Variants in LRRC7 observed in about 807,000 individuals in gnomAD.
LRRC7 encodes the protein leucine-rich repeat-containing protein 7.
In LRRC7, 23 loss-of-function variants were observed where a neutral mutation model predicts 175.7. That is an observed-to-expected ratio of 0.13 (90% CI 0.09 to 0.19). The LOEUF (loss-of-function observed/expected upper bound fraction) is 0.19, where lower values mean the gene tolerates loss of function less well. Among genes scored for constraint, LRRC7 ranks in the 10% least tolerant of loss-of-function variants. The probability of loss-of-function intolerance (pLI) is 1.00; values close to 1 mark genes in which losing one functional copy is unlikely to be tolerated. For synonymous variants in LRRC7, 685 were observed against 680.9 expected, an observed-to-expected ratio of 1.01 and a Z score of -0.09; for missense variants, 1,354 against 1,904.7, an observed-to-expected ratio of 0.71 and a Z score of 5.38.
At position 69,568,056 on chromosome 1, in the gene LRRC7, C is replaced by G. The variant is rs945342691; in HGVS notation, c.-584C>G. The stretch of plus-strand genomic sequence containing the variant: ...CCGGCGGGACCTGCAGCCGCCCACT[C>G]GGGCCACCGCCACCGCCTCCTGCAG... On this transcript the variant is annotated 5_prime_UTR_variant, in exon 1 of 27. Transcript: ENST00000651989. Among the ~76,000 whole-genome samples the G allele has an allele frequency of 4.6e-5, 7 of 152,150 alleles. No individual in the cohort carries two copies. The highest frequency in any genetic ancestry group is 8.8e-5 in the Non-Finnish European group (6 of 68,028).
chr1:69,579,585 A>G (rs1300229528), intron 1 of LRRC7, among the ~76,000 whole-genome samples: 1 of 152,166 alleles, frequency 6.6e-6, no homozygotes, highest in African/African-American at 2.4e-5. Flanking sequence ...AGCCTGGTGC[A>G]GAAAAAGATG....
intron 8 of LRRC7, among the ~76,000 whole-genome samples, chr1:69,972,022 A>G (rs1050713928): frequency 6.6e-6 from 1 of 152,202 alleles, no homozygotes; most frequent in Non-Finnish European, 1.5e-5. Flanking sequence ...TAAAGTGGAG[A>G]AAGGACACCT....
rs1389469614 is a variant in LRRC7, at chr1:70,132,261, A to G, written c.*10374A>G. The G allele has an allele frequency of 6.6e-6, 1 of 152,224 alleles. No individual in the cohort carries two copies. Among genetic ancestry groups the G allele is most frequent in the Non-Finnish European group, 1.5e-5 (1 of 68,084 alleles). The allele number at this position is 152,224 out of a possible 1,614,324, so 9.4% of individuals were successfully genotyped here. The stretch of plus-strand genomic sequence containing the variant: ...CTTCCCTCCTGCTCTTCCAGATGTC[A>G]AAAGAAGAATTTACAGTGAAAAATA... On this transcript the variant is annotated 3_prime_UTR_variant, in exon 27 of 27. Coordinates refer to ENST00000651989, the MANE Select transcript of LRRC7 (RefSeq NM_001370785.2).
chr1:69,834,674 A>G, intron 5 of LRRC7, 106 bp from the exon 6 acceptor site: 1 of 898,490 alleles, frequency 1.1e-6, no homozygotes, highest in Non-Finnish European at 1.8e-6. Context: ...AGGAGAGTTG[A>G]AAAATGTATT....
intron 8 of LRRC7, among the ~76,000 whole-genome samples, chr1:69,943,987 C>CACACAA (rs1468565210): frequency 7.5e-5 from 11 of 146,376 alleles, no homozygotes; most frequent in African/African-American, 2.9e-4. Flanking sequence ...CACACACACA[C>CACACAA]AACATGAGAT....
rs1667089587 is a variant in LRRC7 at position 70,142,222 on chromosome 1, TGGCTTGAATGTG to T, written c.*20337_*20348del. The T allele has an allele frequency of 6.6e-6, 1 of 152,138 alleles. No homozygotes were observed. Among genetic ancestry groups the T allele is most frequent in the Non-Finnish European group, 1.5e-5 (1 of 67,982 alleles). The allele number at this position is 152,138 out of a possible 1,614,324, so 9.4% of individuals were successfully genotyped here. A position where few individuals can be genotyped will look rare whatever the true frequency, so the allele number is the denominator to read the frequency against. On this transcript the variant is annotated 3_prime_UTR_variant, in exon 27 of 27. Transcript: ENST00000651989. Reference sequence around the variant, plus strand: ...TCTTTCCACTCAGAGGACTCTTATTTGGCTTGAATGTGGAAAAGGCATCTGGTTCAGGTCAGT... The same window carrying T: ...TCTTTCCACTCAGAGGACTCTTATTTGAAAAGGCATCTGGTTCAGGTCAGT...
chr1:70,135,949 A>G lies in LRRC7; in HGVS notation c.*14062A>G, dbSNP rs1169761586. 1.3e-5 allele frequency among the ~76,000 whole-genome samples: 2 copies of G among 152,210 alleles called. No homozygotes were observed. Among genetic ancestry groups the G allele is most frequent in the Middle Eastern group, 3.4e-3 (1 of 294 alleles). ...GATATTCTAGCAGGACATCACTGCT[A>G]TATTCTTTATAAAACCATGAATGTT... On this transcript the variant is annotated 3_prime_UTR_variant, in exon 27 of 27. Transcript: ENST00000651989.
At chr1:69,740,871 T>C (rs965364370) in intron 2 of LRRC7, among the ~76,000 whole-genome samples, 1 of 152,002 alleles carries the variant, frequency 6.6e-6, no homozygotes, top group Non-Finnish European at 1.5e-5. Context: ...ACATATGAAT[T>C]TGAGGAAAAC....
chr1:69,940,759 CA>C (rs768440534), intron 8 of LRRC7, among the ~76,000 whole-genome samples: 2 of 151,874 alleles, frequency 1.3e-5, no homozygotes, highest in African/African-American at 2.4e-5. Context: ...TAAATCACCC[CA>C]AAAAAACAAG....
intron 15 of LRRC7, 180 bp from the exon 16 acceptor site, chr1:70,020,825 A>C (rs973236406): frequency 7.2e-6 from 3 of 416,758 alleles, no homozygotes; most frequent in Non-Finnish European, 1.2e-5. Flanking sequence ...AGACCATGTA[A>C]TAAATATCAA....
At chr1:70,028,730 T>C (rs1448992073) in intron 18 of LRRC7, among the ~76,000 whole-genome samples, 9 of 152,202 alleles carry the variant, frequency 5.9e-5, no homozygotes, top group Non-Finnish European at 1.2e-4. Context: ...TTTTCTATTA[T>C]GCAAATCTCA....
chr1:69,589,250 G>T (rs369041664), intron 1 of LRRC7, among the ~76,000 whole-genome samples: 1 of 151,776 alleles, frequency 6.6e-6, no homozygotes, highest in East Asian at 1.9e-4. Context: ...CTCTGCTGAG[G>T]TGTCCAACCA....
chr1:70,021,061 C>A lies in LRRC7; in HGVS notation c.1477C>A (p.Gln493Lys). ...TACACTGTGGGAAGAGCAGAGACAACAACGCATGACTGTTGCCTTTGAATT... is the reference window on the plus strand; with the variant it reads ...TACACTGTGGGAAGAGCAGAGACAAAAACGCATGACTGTTGCCTTTGAATT... The part of the protein sequence containing the change: ...NPTLWEEQRQ[Q>K]RMTVAFEFED... The change falls in exon 16 of 27, where the codon CAA becomes AAA. Residue 493 changes from glutamine (Q) to lysine (K), a missense_variant. Physicochemically the swap from Gln to Lys is moderately conservative, Grantham distance 53 (BLOSUM62 1). Around this residue, in one of 4 missense-constraint regions of LRRC7, gnomAD observed 1,032 missense variants for 1,227.2 expected, o/e 0.84. Transcript: ENST00000651989. 6.2e-7 allele frequency: 1 copy of A among 1,612,850 alleles called. No homozygotes were observed. The highest frequency in any genetic ancestry group is 8.5e-7 in the Non-Finnish European group (1 of 1,179,116).
intron 7 of LRRC7, among the ~76,000 whole-genome samples, chr1:69,885,429 G>A (rs1450573965): frequency 1.4e-5 from 2 of 144,412 alleles, no homozygotes; most frequent in Non-Finnish European, 3.0e-5. Context: ...ATTCTCTGAT[G>A]GTAGTTTGTA....
At chr1:69,656,373 G>T (rs1192935865) in intron 1 of LRRC7, among the ~76,000 whole-genome samples, 1 of 151,888 alleles carries the variant, frequency 6.6e-6, no homozygotes, top group African/African-American at 2.4e-5. Flanking sequence ...GAACAAAACT[G>T]CAACTGTATA....
chr1:69,730,729 T>C (rs191380817), intron 2 of LRRC7, among the ~76,000 whole-genome samples: 80 of 152,304 alleles, frequency 5.3e-4, no homozygotes, highest in African/African-American at 1.7e-3. Context: ...CTCTGCCTAT[T>C]ACCAGTTCCA....
chr1:69,865,498 ACGGAGTCCCGCT>A, intron 7 of LRRC7, among the ~76,000 whole-genome samples: 2 of 4,134 alleles, frequency 4.8e-4, no homozygotes, highest in East Asian at 5.0e-3. Context: ...TTTTTTTGAA[ACGGAGTCCCGCT>A]CAGTGCCCCA....
intron 1 of LRRC7, among the ~76,000 whole-genome samples, chr1:69,652,807 A>G (rs12048889): frequency 0.099 from 14,994 of 152,148 alleles, 834 homozygotes; most frequent in African/African-American, 0.16. Flanking sequence ...CCAATGGAAC[A>G]AAGAGAGCTG....
At chr1:69,833,804 G>T (rs1387498181) in intron 5 of LRRC7, among the ~76,000 whole-genome samples, 1 of 151,950 alleles carries the variant, frequency 6.6e-6, no homozygotes, top group African/African-American at 2.4e-5. Flanking sequence ...TTCAGTAACA[G>T]AATTGAGGTA....
Sources: allele counts gnomAD v4.1 joint callset (sites outside exome capture counted in the v4.1 genomes callset), GRCh38; gene constraint gnomAD v4.1.1; regional missense constraint gnomAD v4.1.1; transcripts MANE v1.5; gene names NCBI Gene and HGNC (gene_info 2026-07-23, HGNC 2026-07-21).